Variants in SPAG4 observed in about 807,000 individuals in gnomAD.
SPAG4 encodes the protein sperm associated antigen 4.
A neutral mutation model predicts 53.9 loss-of-function variants in SPAG4; 54 were observed. The observed-to-expected ratio is 1.00, with a 90% confidence interval of 0.80 to 1.26. The LOEUF is 1.26. SPAG4 is among the 50% of genes most tolerant of loss of function. SPAG4 has a pLI of 0.00. For synonymous variants in SPAG4, 246 were observed against 237.4 expected (o/e 1.04, Z -0.33); for missense variants, 548 against 568.6 (o/e 0.96, Z 0.37).
Position 35,620,905 on chromosome 20 carries a change from G to T in SPAG4, c.1197G>T (p.Val399=). ...QNDPPAAFPK[V]KIQILSNWGH... The stretch of plus-strand genomic sequence containing the variant: ...ACCCCCCAGCTGCCTTTCCCAAGGT[G>T]AAGATCCAGATTCTAAGCAACTGGG... The change falls in exon 12 of 12, where the codon GTG becomes GTT. Residue 399 remains valine, a synonymous_variant. Coordinates refer to ENST00000374273, the MANE Select transcript of SPAG4 (RefSeq NM_003116.3). 6.2e-7 allele frequency: 1 copy of T among 1,614,220 alleles called. No homozygotes were observed. The highest frequency in any genetic ancestry group is 8.5e-7 in the Non-Finnish European group (1 of 1,180,030).
chr20:35,617,373 T>A, intron 2 of SPAG4, 133 bp downstream of exon 2: 1 of 943,188 alleles, frequency 1.1e-6, no homozygotes, highest in Non-Finnish European at 1.6e-6. Context: ...CTAGCCCCCA[T>A]CCAATTATCC....
chr20:35,619,512 C>T (rs1251720131), intron 9 of SPAG4, 67 bp from the exon 10 acceptor site: 1 of 1,579,920 alleles, frequency 6.3e-7, no homozygotes. Flanking sequence ...CGAGCTGAGG[C>T]CCGGGCTGGG....
Position 35,619,572 on chromosome 20 carries a change from C to T in SPAG4, c.910-7C>T. 1 of 1,610,790 alleles carries T rather than the reference C, an allele frequency of 6.2e-7. No homozygotes were observed. On this transcript the variant is annotated splice_region_variant and splice_polypyrimidine_tract_variant and intron_variant, in intron 9 of 11. Coordinates refer to ENST00000374273, the MANE Select transcript of SPAG4 (RefSeq NM_003116.3). ...ACGGTTCCGATGGTCCCTCCGCCCG[C>T]CTGCAGCCCCACGTGTTCCCTGGGA...
chr20:35,616,855 C>T, intron 1 of SPAG4: 1 of 449,318 alleles, frequency 2.2e-6, no homozygotes, highest in East Asian at 4.1e-5. Flanking sequence ...GCCTCGAACT[C>T]CCGACCTCAG....
In SPAG4 at chr20:35,618,486, G is replaced by C; in HGVS notation, c.608+11G>C. 6.2e-7 allele frequency: 1 copy of C among 1,613,900 alleles called. No homozygotes were observed. The highest frequency in any genetic ancestry group is 8.5e-7 in the Non-Finnish European group (1 of 1,179,934). ...GATGCTGACTCTAAGGTGAAAGAGGGCACCTAGGGTGGGAAATTGGGGGGC... is the reference window on the plus strand; with the variant it reads ...GATGCTGACTCTAAGGTGAAAGAGGCCACCTAGGGTGGGAAATTGGGGGGC... On this transcript the variant is annotated intron_variant, in intron 6 of 11. Coordinates refer to ENST00000374273, the MANE Select transcript of SPAG4 (RefSeq NM_003116.3).
chr20:35,619,394 G>A, intron 9 of SPAG4, 84 bp downstream of exon 9: 1 of 1,445,886 alleles, frequency 6.9e-7, no homozygotes, highest in Non-Finnish European at 9.7e-7. Flanking sequence ...GCGGAGCTTG[G>A]CTGAGCCGAG....
intron 8 of SPAG4, 80 bp from the exon 9 acceptor site, chr20:35,619,115 C>A: frequency 1.9e-6 from 2 of 1,058,616 alleles, no homozygotes; most frequent in Non-Finnish European, 2.8e-6. Flanking sequence ...AGCCCCCACC[C>A]GCCCCCAGCC....
intron 9 of SPAG4, 32 bp downstream of exon 9, chr20:35,619,342 C>G: frequency 6.3e-7 from 1 of 1,584,228 alleles, no homozygotes; most frequent in Non-Finnish European, 8.7e-7. Context: ...GATGGGACCC[C>G]GGGCGGGACG....
intron 1 of SPAG4, 135 bp from the exon 2 acceptor site, chr20:35,617,001 G>A: frequency 3.1e-6 from 2 of 641,644 alleles, no homozygotes; most frequent in Admixed American, 2.5e-5. Flanking sequence ...CCGGGATAGG[G>A]CTGCGGTGGG....
chr20:35,619,447 G>T, intron 9 of SPAG4, 132 bp from the exon 10 acceptor site: 1 of 1,393,526 alleles, frequency 7.2e-7, no homozygotes, highest in East Asian at 2.3e-5. Flanking sequence ...ACCTGGCATT[G>T]CTGGGGACTG....
rs200416496 is a variant in SPAG4, at chr20:35,615,981, T to A, written c.-23T>A. The A allele has an allele frequency of 1.3e-5, 21 of 1,607,496 alleles. No individual in the cohort carries two copies. The highest frequency in any genetic ancestry group is 1.7e-5 in the Non-Finnish European group (20 of 1,178,736). ...ACCGCAGCGGCGGCTTTAGCGTCAG[T>A]GACTAGGCAGCAGGGGGTCAGGATG... is the stretch of plus-strand genomic sequence containing the variant. On this transcript the variant is annotated 5_prime_UTR_variant, in exon 1 of 12. Transcript: ENST00000374273.
Position 35,616,103 on chromosome 20 carries a change from A to T in SPAG4, c.100A>T (p.Ser34Cys), listed in dbSNP as rs759619905. 8 of 1,609,354 alleles carry T rather than the reference A, an allele frequency of 5.0e-6. No homozygotes were observed. The highest frequency in any genetic ancestry group is 6.8e-6 in the Non-Finnish European group (8 of 1,178,092). ...CTCAATGAGCATCACCTCGGAGGAC[A>T]GCAAAGGGCTCCGGTCAGCGGAGCC... is the stretch of plus-strand genomic sequence containing the variant. ...NSSMSITSED[S>C]KGLRSAEPGP... is the part of the protein sequence containing the mutation. Residue 34 changes from serine to cysteine, a missense_variant, in exon 1 of 12, where the codon AGC (serine) becomes TGC (cysteine). Transcript: ENST00000374273.
At chr20:35,620,054 T>G (rs2031524248) in intron 10 of SPAG4, among the ~76,000 whole-genome samples, 1 of 151,938 alleles carries the variant, frequency 6.6e-6, no homozygotes, top group Non-Finnish European at 1.5e-5. Flanking sequence ...ACCTGCAACC[T>G]CAGCCTCTAG....
At chr20:35,619,473 G>T in intron 9 of SPAG4, 106 bp from the exon 10 acceptor site, 1 of 1,483,560 alleles carries the variant, frequency 6.7e-7, no homozygotes, top group South Asian at 1.2e-5. Flanking sequence ...GGCTGGAGGT[G>T]GAGCTCTGGG....
chr20:35,618,524 C>G, intron 6 of SPAG4, 49 bp downstream of exon 6: 1 of 1,611,350 alleles, frequency 6.2e-7, no homozygotes, highest in South Asian at 1.1e-5. Context: ...AAAGTTGCTT[C>G]TTTGAGAACC....
At chr20:35,618,583 AC>A (rs1568899497) in intron 6 of SPAG4, 28 bp from the exon 7 acceptor site, 1 of 1,594,578 alleles carries the variant, frequency 6.3e-7, no homozygotes, top group Admixed American at 1.8e-5. Context: ...CAGGGAGCCA[AC>A]CCCACGGCGC....
In SPAG4 at chr20:35,619,296, A is replaced by G. The variant is rs2031495750; in HGVS notation, c.895A>G (p.Thr299Ala). The change falls in exon 9 of 12, where the codon ACG becomes GCG. Residue 299 changes from threonine (T) to alanine (A), a missense_variant. Thr to Ala is a moderately conservative substitution (Grantham distance 58). Coordinates refer to ENST00000374273, the MANE Select transcript of SPAG4 (RefSeq NM_003116.3). The stretch of plus-strand genomic sequence containing the variant: ...CTTCTGGAACTACGCACGGCCGCCC[A>G]CGGTTATCCTGGAGGTGAGTCTGGA... Reference protein sequence around the residue: ...FSFWNYARPPTVILEPHVFPG... With the variant: ...FSFWNYARPPAVILEPHVFPG... 3 of 1,613,728 alleles carry G rather than the reference A, an allele frequency of 1.9e-6. No homozygotes were observed. The South Asian group carries it at 3.3e-5, about 18-fold the overall frequency.
Position 35,618,454 on chromosome 20 carries a change from C to T in SPAG4, c.587C>T (p.Pro196Leu), listed in dbSNP as rs752953385. 1 of 1,614,000 alleles carries T rather than the reference C, an allele frequency of 6.2e-7. No homozygotes were observed. Among genetic ancestry groups the T allele is most frequent in the South Asian group, 1.1e-5 (1 of 91,038 alleles). Residue 196 changes from proline (P) to leucine (L), a missense_variant, in exon 6 of 12, where the codon CCT (proline) becomes CTT (leucine). Pro to Leu is a moderately conservative substitution (Grantham distance 98, BLOSUM62 -3). Coordinates refer to ENST00000374273, the MANE Select transcript of SPAG4 (RefSeq NM_003116.3). ...LYLVSPLENE[P>L]KEMLTLSEYH... is the part of the protein sequence containing the mutation. ...TTTTGTCCCTTCATCCAACAGGAAC[C>T]TAAGGAGATGCTGACTCTAAGGTGA...
At position 35,617,546 on chromosome 20, in the gene SPAG4, T is replaced by G; in HGVS notation, c.436T>G (p.Leu146Val). 6.2e-7 allele frequency: 1 copy of G among 1,603,286 alleles called. No individual in the cohort carries two copies. The highest frequency in any genetic ancestry group is 8.5e-7 in the Non-Finnish European group (1 of 1,174,538). The change falls in exon 3 of 12, where the codon TTG (leucine) becomes GTG (valine). Residue 146 changes from leucine (L) to valine (V), a missense_variant. Coordinates refer to ENST00000374273, the MANE Select transcript of SPAG4 (RefSeq NM_003116.3). ...CCTGCTCTTCCAGGGGCTGAGCGTG[T>G]TGTTATCCCTGGCAGGAGACGTGCT... ...LSLLFQGLSVLLSLAGDVLVS... is the reference protein window; with the variant it reads ...LSLLFQGLSVVLSLAGDVLVS...
Sources: allele counts gnomAD v4.1 joint callset (sites outside exome capture counted in the v4.1 genomes callset), GRCh38; gene constraint gnomAD v4.1.1; transcripts MANE v1.5; gene names NCBI Gene and HGNC (gene_info 2026-07-23, HGNC 2026-07-21).